The following TNIP1 variants were observed in gnomAD, a reference collection of about 807,000 sequenced individuals.
TNIP1 encodes TNFAIP3-interacting protein 1.
A neutral mutation model predicts 86.6 loss-of-function variants in TNIP1; 22 were observed. The ratio of observed to expected loss-of-function variants is 0.25; its 90% CI spans 0.18 to 0.36. The LOEUF is 0.36. Among genes scored for constraint, TNIP1 ranks in the 10% least tolerant of loss-of-function variants. The probability of loss-of-function intolerance (pLI) is 1.00; values close to 1 mark genes in which losing one functional copy is unlikely to be tolerated. For synonymous variants in TNIP1, 294 were observed against 313.0 expected, an observed-to-expected ratio of 0.94 and a Z score of 0.64; for missense variants, 709 against 820.6, an observed-to-expected ratio of 0.86 and a Z score of 1.66.
intron 8 of TNIP1, among the ~76,000 whole-genome samples, chr5:151,049,515 T>C (rs1759619597): frequency 1.3e-5 from 2 of 152,156 alleles, no homozygotes; most frequent in Admixed American, 1.3e-4. Flanking sequence ...CAAACTGGAA[T>C]GTGTTTACGG....
chr5:151,038,422 T>A (rs930407526), intron 12 of TNIP1, among the ~76,000 whole-genome samples: 17 of 132,446 alleles, frequency 1.3e-4, no homozygotes, highest in Admixed American at 1.2e-3. Flanking sequence ...CTAGAGCCGT[T>A]CCCACCAGGG....
At position 151,034,884 on chromosome 5, in the gene TNIP1, A is replaced by G. The variant is rs140034245; in HGVS notation, c.1587+118T>C. ...CTCTAAGGCTTTTCCTGTATTACTCATCAGTTAGTTAGCAGAGGATGTCCC... is the reference window on the plus strand; with the variant it reads ...CTCTAAGGCTTTTCCTGTATTACTCGTCAGTTAGTTAGCAGAGGATGTCCC... On this transcript the variant is annotated intron_variant, in intron 15 of 17. Transcript: ENST00000521591. The G allele has an allele frequency of 1.2e-5, 13 of 1,076,354 alleles. No homozygotes were observed. In the African/African-American group the frequency reaches 1.9e-4, roughly 15 times the overall value. The allele number at this position is 1,076,354 out of a possible 1,614,324, so 66.7% of individuals were successfully genotyped here. A position where few individuals can be genotyped will look rare whatever the true frequency, so the allele number is the denominator to read the frequency against.
Position 151,030,153 on chromosome 5 carries a change from G to C in TNIP1, c.*560C>G, listed in dbSNP as rs72558380. 1 of 456,778 alleles carries C rather than the reference G, an allele frequency of 2.2e-6. No homozygotes were observed. Among genetic ancestry groups the C allele is most frequent in the Non-Finnish European group, 4.4e-6 (1 of 226,978 alleles). The allele number at this position is 456,778 out of a possible 1,614,324, so 28.3% of individuals were successfully genotyped here. On this transcript the variant is annotated 3_prime_UTR_variant, in exon 18 of 18. Coordinates refer to ENST00000521591, the MANE Select transcript of TNIP1 (RefSeq NM_006058.5). ...TCCCATCTGTGATGGCTTCAGCAAGGCTACTGTGAGTGGTGGTGGAGAGGG... is the reference window on the plus strand; with the variant it reads ...TCCCATCTGTGATGGCTTCAGCAAGCCTACTGTGAGTGGTGGTGGAGAGGG...
intron 16 of TNIP1, 30 bp downstream of exon 16, chr5:151,033,577 GC>G: frequency 7.2e-7 from 1 of 1,395,504 alleles, no homozygotes. Flanking sequence ...CTCTGTGTGT[GC>G]CCTGGAGCAA....
chr5:151,033,573 G>T, intron 16 of TNIP1, 35 bp downstream of exon 16: 1 of 1,381,022 alleles, frequency 7.2e-7, no homozygotes, highest in South Asian at 1.6e-5. Context: ...CAGCCTCTGT[G>T]TGTGCCCTGG....
chr5:151,065,616 CCT>C (rs1762134827), intron 1 of TNIP1, among the ~76,000 whole-genome samples: 1 of 152,122 alleles, frequency 6.6e-6, no homozygotes, highest in African/African-American at 2.4e-5. Context: ...AGTCCCTTCC[CCT>C]CTCTGAGGGA....
intron 1 of TNIP1, among the ~76,000 whole-genome samples, chr5:151,078,779 G>C (rs1248432258): frequency 1.3e-5 from 2 of 152,196 alleles, no homozygotes; most frequent in East Asian, 3.8e-4. Flanking sequence ...CTTGCTGGAG[G>C]GGGAAAAGCA....
intron 11 of TNIP1, among the ~76,000 whole-genome samples, chr5:151,040,794 G>A (rs573780602): frequency 6.6e-6 from 1 of 152,298 alleles, no homozygotes; most frequent in Non-Finnish European, 1.5e-5. Context: ...GGCAATCCAG[G>A]TTGAAAATGT....
Position 151,045,931 on chromosome 5 carries a change from T to C in TNIP1, c.866A>G (p.Lys289Arg). The change falls in exon 9 of 18, where the codon AAG (lysine) becomes AGG (arginine). Residue 289 changes from lysine (K) to arginine (R), a missense_variant. Transcript: ENST00000521591. ...GQQQASVTAG[K>R]VPEVVALGAA... is the part of the protein sequence containing the mutation. Reference sequence around the variant, plus strand: ...GCCCAAGGCCACCACCTCTGGGACCTTACCTGCCGTCACACTAGCCTGGGG... The same window carrying C: ...GCCCAAGGCCACCACCTCTGGGACCCTACCTGCCGTCACACTAGCCTGGGG... The C allele has an allele frequency of 6.2e-7, 1 of 1,614,052 alleles. No individual in the cohort carries two copies. The highest frequency in any genetic ancestry group is 1.3e-5 in the African/African-American group (1 of 75,004).
At chr5:151,082,071 A>G (rs779102138), upstream of TNIP1, among the ~76,000 whole-genome samples, 2 of 152,162 alleles carry the variant, frequency 1.3e-5, no homozygotes, top group Non-Finnish European at 2.9e-5. Flanking sequence ...TCATCCTCAA[A>G]AAGAATTAGG....
chr5:151,064,265 G>A (rs896492995), intron 2 of TNIP1, among the ~76,000 whole-genome samples: 3 of 152,232 alleles, frequency 2.0e-5, no homozygotes, highest in East Asian at 1.9e-4. Context: ...GCCAAGCAAG[G>A]AGAAAGCATT....
At chr5:151,043,085 C>T in intron 9 of TNIP1, 124 bp from the exon 10 acceptor site, 3 of 945,474 alleles carry the variant, frequency 3.2e-6, no homozygotes, top group Non-Finnish European at 5.1e-6. Flanking sequence ...GCTACAGACA[C>T]TGTCTCCATC....
intron 8 of TNIP1, among the ~76,000 whole-genome samples, chr5:151,048,338 C>T (rs1196657330): frequency 2.0e-5 from 3 of 152,200 alleles, no homozygotes; most frequent in African/African-American, 4.8e-5. Flanking sequence ...CGACGCTAAA[C>T]CTACTTTACA....
intron 1 of TNIP1, among the ~76,000 whole-genome samples, chr5:151,077,791 C>T (rs1019190962): frequency 6.6e-6 from 1 of 152,266 alleles, no homozygotes; most frequent in Non-Finnish European, 1.5e-5. Flanking sequence ...TGTGAACCAA[C>T]TGCTCTGACC....
chr5:151,035,512 C>A, intron 14 of TNIP1, 70 bp downstream of exon 14: 1 of 1,609,198 alleles, frequency 6.2e-7, no homozygotes, highest in Non-Finnish European at 8.5e-7. Context: ...CTCACCAGGG[C>A]CCTCCAATCC....
At chr5:151,081,348 G>T (rs1764008394), upstream of TNIP1, among the ~76,000 whole-genome samples, 1 of 152,060 alleles carries the variant, frequency 6.6e-6, no homozygotes, top group African/African-American at 2.4e-5. Context: ...GAGCGGAGGC[G>T]AGCCACAGAG....
intron 1 of TNIP1, among the ~76,000 whole-genome samples, chr5:151,070,830 T>C (rs970750934): frequency 7.2e-5 from 11 of 152,172 alleles, no homozygotes; most frequent in African/African-American, 2.7e-4. Context: ...GCAGTGAAAC[T>C]ACTCTGTTCA....
At chr5:151,057,269 C>T (rs530380646) in intron 5 of TNIP1, among the ~76,000 whole-genome samples, 10 of 152,322 alleles carry the variant, frequency 6.6e-5, no homozygotes, top group South Asian at 2.1e-4. Flanking sequence ...ACCAAATGTC[C>T]GCACAACCCT....
intron 8 of TNIP1, among the ~76,000 whole-genome samples, chr5:151,047,784 C>T (rs1759371205): frequency 6.6e-6 from 1 of 152,138 alleles, no homozygotes; most frequent in African/African-American, 2.4e-5. Flanking sequence ...ACTCTATCTC[C>T]AAGCCCCTCT....
Sources: gnomAD v4.1 joint callset for allele counts (sites outside exome capture counted in the v4.1 genomes callset) on GRCh38, gnomAD v4.1.1 for gene constraint, MANE v1.5 for transcripts, NCBI Gene and HGNC (gene_info 2026-07-23, HGNC 2026-07-21) for gene names.